Variants in TRERF1 observed in about 807,000 individuals in gnomAD.
TRERF1 encodes transcriptional-regulating factor 1.
In TRERF1, 27 loss-of-function variants were observed where a neutral mutation model predicts 122.9. The observed-to-expected ratio is 0.22, with a 90% confidence interval of 0.16 to 0.30. The LOEUF (loss-of-function observed/expected upper bound fraction) is 0.30, where lower values mean the gene tolerates loss of function less well. Among genes scored for constraint, TRERF1 ranks in the 10% least tolerant of loss-of-function variants. TRERF1 has a pLI of 1.00. For synonymous variants in TRERF1, 636 were observed against 641.7 expected (o/e 0.99, Z 0.13); for missense variants, 1,248 against 1,560.3 (o/e 0.80, Z 3.37).
chr6:42,305,145 T>C (rs1786958545), intron 3 of TRERF1, among the ~76,000 whole-genome samples: 2 of 152,220 alleles, frequency 1.3e-5, no homozygotes, highest in South Asian at 2.1e-4. Flanking sequence ...CGAGGTCTGA[T>C]GCCTTGCCCA....
intron 4 of TRERF1, among the ~76,000 whole-genome samples, chr6:42,280,118 C>T (rs965643369): frequency 9.2e-5 from 14 of 151,658 alleles, no homozygotes; most frequent in East Asian, 3.9e-4. Flanking sequence ...ATACCGGCGG[C>T]GACACCGAGC....
At chr6:42,436,093 G>A (rs1785305001) in intron 2 of TRERF1, among the ~76,000 whole-genome samples, 1 of 152,152 alleles carries the variant, frequency 6.6e-6, no homozygotes, top group African/African-American at 2.4e-5. Context: ...AAGCGTCTGG[G>A]CTCAGTGGCT....
intron 3 of TRERF1, among the ~76,000 whole-genome samples, chr6:42,331,570 G>A (rs1002887826): frequency 2.0e-5 from 3 of 152,340 alleles, no homozygotes; most frequent in African/African-American, 7.2e-5. Flanking sequence ...CTAAGTCAGA[G>A]GGGTCAGAGG....
At chr6:42,320,879 T>C (rs970567585) in intron 3 of TRERF1, among the ~76,000 whole-genome samples, 1 of 151,956 alleles carries the variant, frequency 6.6e-6, no homozygotes, top group African/African-American at 2.4e-5. Context: ...AGGACAGAGA[T>C]TGGGACAACT....
intron 3 of TRERF1, among the ~76,000 whole-genome samples, chr6:42,359,838 A>G (rs1771372038): frequency 6.6e-6 from 1 of 152,190 alleles, no homozygotes; most frequent in African/African-American, 2.4e-5. Flanking sequence ...ATATAAGAAC[A>G]TATTGCCATA....
At chr6:42,328,042 G>A (rs949021706) in intron 3 of TRERF1, among the ~76,000 whole-genome samples, 1 of 59,188 alleles carries the variant, frequency 1.7e-5, no homozygotes, top group Non-Finnish European at 3.4e-5. Context: ...GTCTCATTTT[G>A]TTGTTCAGGC....
At chr6:42,298,065 G>GA (rs549615187) in intron 4 of TRERF1, among the ~76,000 whole-genome samples, 779 of 151,496 alleles carry the variant, frequency 5.1e-3, no homozygotes, top group Non-Finnish European at 7.9e-3. Context: ...AAAGCAAAAA[G>GA]AAAAAATCCA....
intron 15 of TRERF1, among the ~76,000 whole-genome samples, chr6:42,239,076 G>C (rs977953014): frequency 2.0e-5 from 3 of 152,206 alleles, no homozygotes; most frequent in African/African-American, 7.2e-5. Context: ...TTATCCATCT[G>C]TAAATGGCTT....
At chr6:42,319,988 G>C (rs1050971420) in intron 3 of TRERF1, among the ~76,000 whole-genome samples, 1 of 151,224 alleles carries the variant, frequency 6.6e-6, no homozygotes, top group Non-Finnish European at 1.5e-5. Context: ...TGCAACCTCT[G>C]CCTCCTGGGT....
intron 4 of TRERF1, among the ~76,000 whole-genome samples, chr6:42,277,656 C>T (rs1283773127): frequency 1.3e-5 from 2 of 152,082 alleles, no homozygotes; most frequent in East Asian, 1.9e-4. Flanking sequence ...TTTAAGATAA[C>T]TCTAGGCAAC....
At chr6:42,294,340 G>A (rs572584363) in intron 4 of TRERF1, among the ~76,000 whole-genome samples, 218 of 151,836 alleles carry the variant, frequency 1.4e-3, no homozygotes, top group African/African-American at 4.9e-3. Context: ...CACCACGCCC[G>A]GCTAATTTTT....
At chr6:42,366,054 G>C (rs1772667854) in intron 2 of TRERF1, among the ~76,000 whole-genome samples, 1 of 152,098 alleles carries the variant, frequency 6.6e-6, no homozygotes, top group Admixed American at 6.5e-5. Flanking sequence ...ACCCCGTCAA[G>C]GTCCTAACAC....
At chr6:42,437,695 C>T (rs1177573738) in intron 2 of TRERF1, among the ~76,000 whole-genome samples, 2 of 152,154 alleles carry the variant, frequency 1.3e-5, no homozygotes, top group Non-Finnish European at 2.9e-5. Flanking sequence ...CCTGCTTTTA[C>T]AGTCACCCAG....
In TRERF1 at chr6:42,263,324, A is replaced by C. The variant is rs751923081; in HGVS notation, c.1880T>G (p.Val627Gly). 6.2e-7 allele frequency: 1 copy of C among 1,611,656 alleles called. No homozygotes were observed. Among genetic ancestry groups the C allele is most frequent in the South Asian group, 1.1e-5 (1 of 90,356 alleles). The stretch of plus-strand genomic sequence containing the variant: ...GGGAGAGAGGGTCATCCTCACGAGC[A>C]CAGGCATCTCGTCGTCCGACATCGA... Residue 627 changes from valine (V) to glycine (G), a missense_variant, in exon 8 of 18, where the codon GTG becomes GGG. Physicochemically the swap from Val to Gly is moderately radical, Grantham distance 109. This residue lies in a region of TRERF1 where 946 missense variants were observed against 1,073.0 expected (regional missense o/e 0.88). Transcript: ENST00000372922. The surrounding 1 kb of genome is among the most constrained non-coding windows in gnomAD (Gnocchi z 5.6).
chr6:42,362,504 T>C (rs898643627), intron 3 of TRERF1, among the ~76,000 whole-genome samples: 2 of 152,222 alleles, frequency 1.3e-5, no homozygotes, highest in Non-Finnish European at 2.9e-5. Context: ...AGAGGAATCA[T>C]AGCTGTATGC....
intron 2 of TRERF1, among the ~76,000 whole-genome samples, chr6:42,424,388 A>G (rs1198375830): frequency 1.3e-5 from 2 of 152,214 alleles, no homozygotes; most frequent in African/African-American, 4.8e-5. Context: ...ACAAGTGGAA[A>G]ATTCTACACT....
In TRERF1 at chr6:42,268,823, C is replaced by T; in HGVS notation, c.768G>A (p.Met256Ile). Residue 256 changes from methionine (M) to isoleucine (I), a missense_variant, in exon 5 of 18, where the codon ATG (methionine) becomes ATA (isoleucine). Around this residue, in one of 5 missense-constraint regions of TRERF1, gnomAD observed 946 missense variants for 1,073.0 expected, o/e 0.88. Transcript: ENST00000372922. The surrounding 1 kb of genome is among the most constrained non-coding windows in gnomAD (Gnocchi z 4.4). ...GCATCTGTTGCATGTGCTGTGACAG[C>T]ATCTGTGGGGCCTGCAGTGGCTGTC... 2 of 1,614,174 alleles carry T rather than the reference C, an allele frequency of 1.2e-6. No homozygotes were observed. Among genetic ancestry groups the T allele is most frequent in the Non-Finnish European group, 8.5e-7 (1 of 1,180,040 alleles).
chr6:42,437,523 G>A (rs1310448619), intron 2 of TRERF1, among the ~76,000 whole-genome samples: 1 of 152,220 alleles, frequency 6.6e-6, no homozygotes, highest in Non-Finnish European at 1.5e-5. Context: ...GAGAGGACAT[G>A]GAAAATGAGG....
chr6:42,255,068 C>A, intron 12 of TRERF1, 142 bp from the exon 13 acceptor site: 1 of 715,490 alleles, frequency 1.4e-6, no homozygotes, highest in Non-Finnish European at 2.4e-6. Flanking sequence ...GAGGGAGACT[C>A]CCCTAACTAG....
Sources: gnomAD v4.1 joint callset for allele counts (sites outside exome capture counted in the v4.1 genomes callset) on GRCh38, gnomAD v4.1.1 for gene constraint, gnomAD v4.1.1 regional missense constraint, Gnocchi (gnomAD v3.1) non-coding constraint, MANE v1.5 for transcripts, NCBI Gene and HGNC (gene_info 2026-07-23, HGNC 2026-07-21) for gene names.